Variants in UBR2 observed in about 807,000 individuals in gnomAD.
The protein encoded by UBR2 is ubiquitin protein ligase E3 component n-recognin 2, also known as E3 ubiquitin-protein ligase UBR2.
Under a neutral mutation model 247.9 loss-of-function variants are expected in UBR2, and 92 were observed. The ratio of observed to expected loss-of-function variants is 0.37; its 90% CI spans 0.31 to 0.44. UBR2 has a LOEUF of 0.44. UBR2 is among the 20% of genes least tolerant of loss of function. UBR2 has a pLI of 1.00. For missense variants in UBR2, 1,613 were observed against 2,112.6 expected, an observed-to-expected ratio of 0.76 and a Z score of 4.64; for synonymous variants, 672 against 693.5, an observed-to-expected ratio of 0.97 and a Z score of 0.49.
chr6:42,622,882 GTC>G (rs1434881657), intron 11 of UBR2, among the ~76,000 whole-genome samples: 1 of 150,688 alleles, frequency 6.6e-6, no homozygotes, highest in Non-Finnish European at 1.5e-5. Flanking sequence ...GCTCAGGCCA[GTC>G]TCAAACTCCT....
intron 13 of UBR2, among the ~76,000 whole-genome samples, chr6:42,634,798 T>C (rs1269793294): frequency 6.6e-6 from 1 of 152,220 alleles, no homozygotes; most frequent in African/African-American, 2.4e-5. Context: ...AGTTCATGGG[T>C]GTTTATTATA....
rs1202194412 is a variant in UBR2, at chr6:42,650,284, G to A, written c.2463G>A (p.Lys821=). 1.9e-6 allele frequency: 3 copies of A among 1,612,276 alleles called. No homozygotes were observed. The Admixed American group carries it at 5.0e-5, about 27-fold the overall frequency. Residue 821 remains lysine, a splice_region_variant and synonymous_variant, in exon 23 of 47, where the codon AAG becomes AAA. Coordinates refer to ENST00000372901, the MANE Select transcript of UBR2 (RefSeq NM_001363705.2). ...TATTCTAAGGTCCTTTCTTTCACAGGAAACCTGGATTAACAGGACGAGGCA... is the reference window on the plus strand; with the variant it reads ...TATTCTAAGGTCCTTTCTTTCACAGAAAACCTGGATTAACAGGACGAGGCA... ...ESVIEAVAHF[K]KPGLTGRGMY... is the part of the protein sequence containing the mutation.
At chr6:42,690,258 A>G (rs1234705859) in intron 46 of UBR2, among the ~76,000 whole-genome samples, 1 of 152,244 alleles carries the variant, frequency 6.6e-6, no homozygotes, top group Non-Finnish European at 1.5e-5. Context: ...GTCCAGCCTT[A>G]AGTAGCAGAT....
At chr6:42,688,071 A>T in intron 44 of UBR2, 145 bp from the exon 45 acceptor site, 1 of 830,552 alleles carries the variant, frequency 1.2e-6, no homozygotes, top group Non-Finnish European at 1.9e-6. Context: ...TCCAGATTCT[A>T]GGAATAAACT....
At chr6:42,610,993 G>T (rs1794035219) in intron 7 of UBR2, among the ~76,000 whole-genome samples, 1 of 151,164 alleles carries the variant, frequency 6.6e-6, no homozygotes, top group South Asian at 2.1e-4. Flanking sequence ...TTACAGGCAT[G>T]CTCCACCACG....
At chr6:42,594,330 T>G (rs1331588614) in intron 4 of UBR2, 26 bp downstream of exon 4, 1 of 1,572,880 alleles carries the variant, frequency 6.4e-7, no homozygotes, top group South Asian at 1.1e-5. Flanking sequence ...CAAAGTTGTT[T>G]TTAACCCAAG....
rs550301085 is a variant in UBR2, at chr6:42,614,977, T to C, written c.986-94T>C. 5.8e-5 allele frequency: 58 copies of C among 992,052 alleles called. No individual in the cohort carries two copies. In the Admixed American group the frequency reaches 1.7e-3, roughly 29 times the overall value. The allele number at this position is 992,052 out of a possible 1,614,324, so 61.5% of individuals were successfully genotyped here. A position where few individuals can be genotyped will look rare whatever the true frequency, so the allele number is the denominator to read the frequency against. On this transcript the variant is annotated intron_variant, in intron 8 of 46. Transcript: ENST00000372901. Reference sequence around the variant, plus strand: ...TAAATTTGAACTTTAAGAAAACATTTAAAACTCTACAGATCCATTTGAACA... The same window carrying C: ...TAAATTTGAACTTTAAGAAAACATTCAAAACTCTACAGATCCATTTGAACA...
At chr6:42,632,774 T>G in intron 12 of UBR2, 31 bp from the exon 13 acceptor site, 1 of 1,589,882 alleles carries the variant, frequency 6.3e-7, no homozygotes, top group Non-Finnish European at 8.5e-7. Context: ...ATGTTTATGT[T>G]AATTGCCACT....
rs754575832 is a variant in UBR2 at position 42,679,705 on chromosome 6, T to C, written c.4610-19T>C. Reference sequence around the variant, plus strand: ...CCCTTAGTTGTTATATGCACTCTTTTCTTGTTCTTCATTTGCAGTTCCTGG... The same window carrying C: ...CCCTTAGTTGTTATATGCACTCTTTCCTTGTTCTTCATTTGCAGTTCCTGG... On this transcript the variant is annotated intron_variant, in intron 41 of 46. Coordinates refer to ENST00000372901, the MANE Select transcript of UBR2 (RefSeq NM_001363705.2). 1.3e-6 allele frequency: 2 copies of C among 1,569,212 alleles called. No homozygotes were observed. The highest frequency in any genetic ancestry group is 2.2e-5 in the South Asian group (2 of 89,836).
chr6:42,586,822 C>CTTTT (rs34530579), intron 2 of UBR2, among the ~76,000 whole-genome samples: 2,008 of 123,862 alleles, frequency 0.016, 134 homozygotes, highest in African/African-American at 0.024. Context: ...CACCTATAAA[C>CTTTT]TTTTTTTTTT....
intron 13 of UBR2, among the ~76,000 whole-genome samples, chr6:42,633,845 C>T (rs1053377569): frequency 6.6e-6 from 1 of 152,078 alleles, no homozygotes; most frequent in South Asian, 2.1e-4. Context: ...ATTCTCTGAC[C>T]TCAGCTTTTT....
intron 4 of UBR2, among the ~76,000 whole-genome samples, chr6:42,595,799 T>C (rs1297663528): frequency 6.6e-6 from 1 of 152,056 alleles, no homozygotes; most frequent in African/African-American, 2.4e-5. Context: ...ACCAAAGCTT[T>C]TGATGTACAA....
rs575211627 is a variant in UBR2, at chr6:42,685,898, A to G, written c.4853+1027A>G. ...TCAAAAAAAAAAAGAAGAATATAAT[A>G]ATGTAAGAGCTTAAACATTACCTAG... On this transcript the variant is annotated intron_variant, in intron 44 of 46. Coordinates refer to ENST00000372901, the MANE Select transcript of UBR2 (RefSeq NM_001363705.2). Among the ~76,000 whole-genome samples, 245 of 152,072 alleles carry G rather than the reference A, an allele frequency of 1.6e-3. 1 individual carries two copies. Among genetic ancestry groups the G allele is most frequent in the African/African-American group, 5.6e-3 (232 of 41,504 alleles).
At position 42,691,090 on chromosome 6, in the gene UBR2, C is replaced by T. The variant is rs747332392; in HGVS notation, c.5185C>T (p.His1729Tyr). The part of the protein sequence containing the change: ...ERFKKIQKLW[H>Y]QHSVTEEIGH... ...ATTCAAGAAGATTCAGAAGCTCTGG[C>T]ACCAACACAGTGTCACAGAGGAAAT... is the stretch of plus-strand genomic sequence containing the variant. Residue 1729 changes from histidine to tyrosine, a missense_variant, in exon 47 of 47, where the codon CAC becomes TAC. Coordinates refer to ENST00000372901, the MANE Select transcript of UBR2 (RefSeq NM_001363705.2). The T allele has an allele frequency of 6.2e-7, 1 of 1,614,176 alleles. No homozygotes were observed. The highest frequency in any genetic ancestry group is 1.1e-5 in the South Asian group (1 of 91,082).
intron 13 of UBR2, 32 bp downstream of exon 13, chr6:42,632,936 C>CTTTTTTTTTTTTTTTTTTCT: frequency 1.1e-6 from 1 of 920,008 alleles, no homozygotes; most frequent in South Asian, 2.8e-5. Context: ...TTTCTTTTTC[C>CTTTTTTTTTTTTTTTTTTCT]TTTTTTTTTT....
intron 3 of UBR2, among the ~76,000 whole-genome samples, chr6:42,593,178 TAAAAA>T (rs994387969): frequency 2.0e-5 from 3 of 151,900 alleles, no homozygotes; most frequent in African/African-American, 7.3e-5. Context: ...CATCCCAAAA[TAAAAA>T]ATAAAAATAA....
At chr6:42,566,533 G>A (rs555915671) in intron 1 of UBR2, among the ~76,000 whole-genome samples, 9 of 152,176 alleles carry the variant, frequency 5.9e-5, no homozygotes, top group African/African-American at 1.9e-4. Flanking sequence ...GATTACAGGC[G>A]TACGCCACCA....
At chr6:42,669,676 C>G (rs1344436863) in intron 34 of UBR2, among the ~76,000 whole-genome samples, 2 of 152,162 alleles carry the variant, frequency 1.3e-5, no homozygotes, top group African/African-American at 4.8e-5. Flanking sequence ...GACTTGTAAG[C>G]CTCACAATAA....
intron 13 of UBR2, 21 bp from the exon 14 acceptor site, chr6:42,635,397 A>G (rs1220923013): frequency 6.2e-7 from 1 of 1,610,036 alleles, no homozygotes; most frequent in African/African-American, 1.3e-5. Flanking sequence ...ATTCATATAT[A>G]ATTTTTTCAC....
Sources: allele counts gnomAD v4.1 joint callset (sites outside exome capture counted in the v4.1 genomes callset), GRCh38; gene constraint gnomAD v4.1.1; transcripts MANE v1.5; gene names NCBI Gene and HGNC (gene_info 2026-07-23, HGNC 2026-07-21).